SLC10A7: variants seen among roughly 807,000 people sequenced by gnomAD.
SLC10A7 encodes solute carrier family 10 member 7.
Under a neutral mutation model 43.2 loss-of-function variants are expected in SLC10A7, and 29 were observed. That is an observed-to-expected ratio of 0.67 (90% CI 0.50 to 0.92). SLC10A7 has a LOEUF of 0.92. Among genes scored for constraint, SLC10A7 ranks in the 40% least tolerant of loss-of-function variants. SLC10A7 has a pLI of 0.00. For synonymous variants in SLC10A7, 152 were observed against 144.8 expected (o/e 1.05, Z -0.35); for missense variants, 295 against 403.2 (o/e 0.73, Z 2.30).
chr4:146,436,846 T>A (rs191259629), intron 5 of SLC10A7, among the ~76,000 whole-genome samples: 2 of 152,228 alleles, frequency 1.3e-5, no homozygotes, highest in African/African-American at 4.8e-5. Flanking sequence ...ATTGACTTAA[T>A]TTCAGTTACC....
intron 2 of SLC10A7, chr4:146,515,033 T>C: frequency 1.5e-6 from 1 of 680,428 alleles, no homozygotes; most frequent in Non-Finnish European, 2.7e-6. Flanking sequence ...GAAGGTTTCT[T>C]AGGTGCTTAC....
At chr4:146,506,736 T>TTTTG (rs554450576) in intron 3 of SLC10A7, among the ~76,000 whole-genome samples, 1 of 152,194 alleles carries the variant, frequency 6.6e-6, no homozygotes, top group Non-Finnish European at 1.5e-5. Context: ...ATTCTGGTGT[T>TTTTG]TTTGTTTGTT....
intron 10 of SLC10A7, among the ~76,000 whole-genome samples, chr4:146,270,109 T>C (rs1282741258): frequency 6.6e-6 from 1 of 152,174 alleles, no homozygotes; most frequent in African/African-American, 2.4e-5. Context: ...TCCATGTCTC[T>C]TAAAAAGGTT....
chr4:146,439,222 C>T (rs1189981860), intron 5 of SLC10A7, among the ~76,000 whole-genome samples: 1 of 151,980 alleles, frequency 6.6e-6, no homozygotes, highest in Non-Finnish European at 1.5e-5. Context: ...ATAACATCAA[C>T]AACAACAAAA....
chr4:146,393,782 C>T (rs768995984), intron 5 of SLC10A7, among the ~76,000 whole-genome samples: 10 of 152,174 alleles, frequency 6.6e-5, no homozygotes, highest in Admixed American at 2.0e-4. Flanking sequence ...CATCAAAATC[C>T]ATAGTAAATA....
chr4:146,273,888 G>T (rs1002460222), intron 10 of SLC10A7, among the ~76,000 whole-genome samples: 2 of 151,924 alleles, frequency 1.3e-5, no homozygotes, highest in Non-Finnish European at 2.9e-5. Flanking sequence ...GATCATATTT[G>T]GTCTACTGCC....
chr4:146,419,978 C>T (rs150122080), intron 5 of SLC10A7, among the ~76,000 whole-genome samples: 140 of 152,028 alleles, frequency 9.2e-4, no homozygotes, highest in African/African-American at 3.2e-3. Context: ...TGAATACTAA[C>T]GAACATAATA....
At position 146,516,298 on chromosome 4, in the gene SLC10A7, C is replaced by A. The variant is rs544189531; in HGVS notation, c.183+740G>T. ...AAATTCTACTCATTCCTCTATCACACGTAAATGTAAAAATGTCTGGATTTC... is the reference window on the plus strand; with the variant it reads ...AAATTCTACTCATTCCTCTATCACAAGTAAATGTAAAAATGTCTGGATTTC... On this transcript the variant is annotated intron_variant, in intron 2 of 11. Transcript: ENST00000335472. 3.6e-4 allele frequency among the ~76,000 whole-genome samples: 55 copies of A among 151,498 alleles called. No individual in the cohort carries two copies. In the South Asian group the frequency reaches 0.011, roughly 29 times the overall value.
At chr4:146,456,412 C>T (rs2149924861) in intron 4 of SLC10A7, among the ~76,000 whole-genome samples, 1 of 151,998 alleles carries the variant, frequency 6.6e-6, no homozygotes, top group East Asian at 1.9e-4. Context: ...AAGTTAAAAA[C>T]TCAGTCCCCC....
At chr4:146,454,582 T>C (rs563924261) in intron 4 of SLC10A7, among the ~76,000 whole-genome samples, 5 of 152,038 alleles carry the variant, frequency 3.3e-5, no homozygotes, top group African/African-American at 4.8e-5. Context: ...CTAATGGTTA[T>C]GTTGGGGTAA....
intron 2 of SLC10A7, chr4:146,514,027 A>G (rs1320743267): frequency 6.6e-6 from 1 of 152,216 alleles, no homozygotes; most frequent in East Asian, 1.9e-4. Flanking sequence ...GCATTGCTTA[A>G]AACCAGGGCT....
At chr4:146,432,051 C>T (rs1729819085) in intron 5 of SLC10A7, among the ~76,000 whole-genome samples, 3 of 152,216 alleles carry the variant, frequency 2.0e-5, no homozygotes, top group East Asian at 3.9e-4. Context: ...CATCATTAGA[C>T]GCTAGAGAAA....
intron 9 of SLC10A7, among the ~76,000 whole-genome samples, chr4:146,284,146 T>G (rs1729729573): frequency 6.6e-6 from 1 of 152,214 alleles, no homozygotes; most frequent in Non-Finnish European, 1.5e-5. Flanking sequence ...TTAGAAACTA[T>G]TCTTTCCTGT....
At chr4:146,338,672 T>C (rs1283494121) in intron 5 of SLC10A7, among the ~76,000 whole-genome samples, 1 of 151,896 alleles carries the variant, frequency 6.6e-6, no homozygotes. Flanking sequence ...GGAGTAGCAT[T>C]TTAGTGTCTC....
chr4:146,407,777 CTAGT>C (rs1477893959), intron 5 of SLC10A7, among the ~76,000 whole-genome samples: 2 of 152,108 alleles, frequency 1.3e-5, no homozygotes, highest in African/African-American at 4.8e-5. Flanking sequence ...CACTGTTAGT[CTAGT>C]TAGTCTAAAC....
At chr4:146,412,769 G>A (rs1308196298) in intron 5 of SLC10A7, among the ~76,000 whole-genome samples, 2 of 152,074 alleles carry the variant, frequency 1.3e-5, no homozygotes, top group Non-Finnish European at 2.9e-5. Context: ...AGTTGGGGGA[G>A]AAGAACTAGA....
chr4:146,356,566 A>AACAG (rs979252590), intron 5 of SLC10A7, among the ~76,000 whole-genome samples: 49 of 137,810 alleles, frequency 3.6e-4, no homozygotes, highest in African/African-American at 1.3e-3. Context: ...TCCCATCTAC[A>AACAG]ACAGACAGAC....
At chr4:146,483,130 C>A (rs1266516684) in intron 4 of SLC10A7, among the ~76,000 whole-genome samples, 1 of 152,110 alleles carries the variant, frequency 6.6e-6, no homozygotes, top group East Asian at 1.9e-4. Flanking sequence ...TAATTACTAT[C>A]ATGAATACAT....
At chr4:146,469,464 C>T (rs1733362919) in intron 4 of SLC10A7, among the ~76,000 whole-genome samples, 1 of 152,182 alleles carries the variant, frequency 6.6e-6, no homozygotes, top group Admixed American at 6.5e-5. Flanking sequence ...CTACTTGAAT[C>T]TGCATACTAT....
Sources: gnomAD v4.1 joint callset for allele counts (sites outside exome capture counted in the v4.1 genomes callset) on GRCh38, gnomAD v4.1.1 for gene constraint, MANE v1.5 for transcripts, NCBI Gene and HGNC (gene_info 2026-07-23, HGNC 2026-07-21) for gene names.